Variants in PTPRD observed in about 807,000 individuals in gnomAD.
PTPRD encodes the protein protein tyrosine phosphatase receptor type D.
PTPRD carries 34 observed loss-of-function variants against 214.5 expected under a neutral mutation model. That is an observed-to-expected ratio of 0.16 (90% CI 0.12 to 0.21). The LOEUF (loss-of-function observed/expected upper bound fraction) is 0.21, where lower values mean the gene tolerates loss of function less well. PTPRD is among the 10% of genes least tolerant of loss of function. PTPRD has a pLI of 1.00. For missense variants in PTPRD, 2,545 were observed against 2,398.7 expected, an observed-to-expected ratio of 1.06 and a Z score of -1.27; for synonymous variants, 1,128 against 845.7, an observed-to-expected ratio of 1.33 and a Z score of -5.79.
intron 10 of PTPRD, among the ~76,000 whole-genome samples, chr9:9,145,725 G>C (rs1554854701): frequency 6.6e-6 from 1 of 152,006 alleles, no homozygotes; most frequent in Non-Finnish European, 1.5e-5. Context: ...AAGCAAGGAG[G>C]GAACACAGTA....
At chr9:9,541,034 C>T (rs1365631038) in intron 8 of PTPRD, among the ~76,000 whole-genome samples, 1 of 151,718 alleles carries the variant, frequency 6.6e-6, no homozygotes, top group Admixed American at 6.6e-5. Flanking sequence ...ATACCTCGTT[C>T]TAGGAGCAAC....
At chr9:10,091,852 A>G (rs1457135439) in intron 3 of PTPRD, among the ~76,000 whole-genome samples, 1 of 151,454 alleles carries the variant, frequency 6.6e-6, no homozygotes, top group African/African-American at 2.4e-5. Context: ...CAAGTTCAAA[A>G]GAAGTTGGTT....
chr9:10,111,467 T>G (rs2098691586), intron 3 of PTPRD, among the ~76,000 whole-genome samples: 1 of 151,202 alleles, frequency 6.6e-6, no homozygotes, highest in African/African-American at 2.4e-5. Flanking sequence ...CTCGATCTCC[T>G]GACCTCGTGA....
chr9:8,853,905 T>C lies in PTPRD; in HGVS notation c.-103-119959A>G, dbSNP rs1253241626. ...AAGATGAAATAACAACAAAAAAAGG[T>C]AAATAACTCCATAAAACCAAAAGAG... On this transcript the variant is annotated intron_variant, in intron 11 of 45. Transcript: ENST00000381196. 2.0e-5 allele frequency among the ~76,000 whole-genome samples: 3 copies of C among 152,210 alleles called. No individual in the cohort carries two copies. In the East Asian group the frequency reaches 5.8e-4, roughly 29 times the overall value.
chr9:8,324,217 A>G (rs1377475970), intron 44 of PTPRD, among the ~76,000 whole-genome samples: 1 of 151,932 alleles, frequency 6.6e-6, no homozygotes, highest in African/African-American at 2.4e-5. Flanking sequence ...CATCATCTAC[A>G]TTAGGTATAT....
chr9:10,053,738 T>C (rs1036354429), intron 3 of PTPRD, among the ~76,000 whole-genome samples: 2 of 152,144 alleles, frequency 1.3e-5, no homozygotes, highest in Non-Finnish European at 2.9e-5. Context: ...TCTGTCTTCA[T>C]TCTGTATAGG....
Position 10,526,987 on chromosome 9 carries a change from T to G in PTPRD, c.-600+85411A>C, listed in dbSNP as rs1416099594. Among the ~76,000 whole-genome samples, 4 of 152,192 alleles carry G rather than the reference T, an allele frequency of 2.6e-5. No individual in the cohort carries two copies. The South Asian group carries it at 8.3e-4, about 32-fold the overall frequency. The stretch of plus-strand genomic sequence containing the variant: ...TCTCCTTTCTAACTACTATTCTTAT[T>G]CCTCTTAGCCTGCTCCAAGGAGTCT... On this transcript the variant is annotated intron_variant, in intron 2 of 45. Transcript: ENST00000381196.
chr9:10,119,898 C>G (rs2098761410), intron 3 of PTPRD, among the ~76,000 whole-genome samples: 1 of 151,984 alleles, frequency 6.6e-6, no homozygotes, highest in African/African-American at 2.4e-5. Context: ...TAGAAAATAT[C>G]TAGTTTTCCA....
At chr9:9,028,926 A>G (rs2099595819) in intron 10 of PTPRD, among the ~76,000 whole-genome samples, 1 of 147,212 alleles carries the variant, frequency 6.8e-6, no homozygotes, top group African/African-American at 2.5e-5. Context: ...TAAGCAAGGA[A>G]TGAAAATGGG....
chr9:10,499,226 A>G (rs2042954572), intron 2 of PTPRD, among the ~76,000 whole-genome samples: 1 of 151,872 alleles, frequency 6.6e-6, no homozygotes, highest in African/African-American at 2.4e-5. Flanking sequence ...GAGGTTTTTA[A>G]AATGAGAAGG....
At chr9:10,485,496 G>A (rs1008534572) in intron 2 of PTPRD, among the ~76,000 whole-genome samples, 26 of 152,000 alleles carry the variant, frequency 1.7e-4, no homozygotes, top group African/African-American at 6.3e-4. Flanking sequence ...CCATGAACAT[G>A]GAGTATCTTT....
At chr9:9,832,915 A>G (rs2055389542) in intron 5 of PTPRD, among the ~76,000 whole-genome samples, 1 of 151,266 alleles carries the variant, frequency 6.6e-6, no homozygotes, top group Non-Finnish European at 1.5e-5. Context: ...CCCATATGAG[A>G]GAGGAAAAAA....
intron 8 of PTPRD, among the ~76,000 whole-genome samples, chr9:9,516,327 G>T (rs1046851107): frequency 1.3e-5 from 2 of 151,924 alleles, no homozygotes; most frequent in African/African-American, 4.8e-5. Context: ...GTTGTCTTGT[G>T]AGAAAATTAT....
intron 5 of PTPRD, among the ~76,000 whole-genome samples, chr9:9,855,494 C>T (rs375707636): frequency 6.6e-6 from 1 of 152,256 alleles, no homozygotes; most frequent in South Asian, 2.1e-4. Flanking sequence ...GAAATTAAAA[C>T]CTACTTTAAA....
At chr9:9,885,579 T>C (rs1436998241) in intron 5 of PTPRD, among the ~76,000 whole-genome samples, 1 of 152,020 alleles carries the variant, frequency 6.6e-6, no homozygotes, top group Non-Finnish European at 1.5e-5. Flanking sequence ...GTCTGAATTG[T>C]CTAGATAGAC....
intron 9 of PTPRD, among the ~76,000 whole-genome samples, chr9:9,353,638 C>T (rs1360103126): frequency 2.0e-5 from 3 of 151,238 alleles, no homozygotes; most frequent in Non-Finnish European, 4.4e-5. Flanking sequence ...AAAAAAAAAT[C>T]CTGCTTCTGA....
chr9:9,382,340 G>T (rs1284102295), intron 9 of PTPRD, among the ~76,000 whole-genome samples: 1 of 151,914 alleles, frequency 6.6e-6, no homozygotes, highest in Non-Finnish European at 1.5e-5. Flanking sequence ...AAAAGCAGAG[G>T]CAACAAAGCT....
At chr9:8,982,103 A>G (rs1328875547) in intron 11 of PTPRD, among the ~76,000 whole-genome samples, 3 of 152,050 alleles carry the variant, frequency 2.0e-5, no homozygotes, top group Non-Finnish European at 4.4e-5. Context: ...GGTATTTCAA[A>G]GTGAAATTAA....
At chr9:9,741,855 T>C (rs10816173) in intron 6 of PTPRD, among the ~76,000 whole-genome samples, 6,552 of 152,278 alleles carry the variant, frequency 0.043, 751 homozygotes, top group East Asian at 0.4. Flanking sequence ...CAGTCTATCA[T>C]TGATGGGCAT....
Sources: allele counts gnomAD v4.1 joint callset (sites outside exome capture counted in the v4.1 genomes callset), GRCh38; gene constraint gnomAD v4.1.1; transcripts MANE v1.5; gene names NCBI Gene and HGNC (gene_info 2026-07-23, HGNC 2026-07-21).